ARSB: variants seen among roughly 807,000 people sequenced by gnomAD.
ARSB encodes the protein arylsulfatase B, also known as N-acetylgalactosamine-4-sulfatase.
In ARSB, 41 loss-of-function variants were observed where a neutral mutation model predicts 50.9. That is an observed-to-expected ratio of 0.81 (90% CI 0.63 to 1.04). The LOEUF (loss-of-function observed/expected upper bound fraction) is 1.04. Among genes scored for constraint, ARSB ranks in the 50% least tolerant of loss-of-function variants. The pLI, the probability that ARSB is intolerant of heterozygous loss-of-function variation, is 0.00. For missense variants in ARSB, 672 were observed against 693.3 expected (o/e 0.97, Z 0.35); for synonymous variants, 269 against 284.8 (o/e 0.94, Z 0.56).
At chr5:78,934,979 A>T (rs1750514231) in intron 4 of ARSB, among the ~76,000 whole-genome samples, 1 of 152,166 alleles carries the variant, frequency 6.6e-6, no homozygotes, top group Non-Finnish European at 1.5e-5. Flanking sequence ...TCATCACTTT[A>T]AACAAAATGA....
At chr5:78,822,444 C>T (rs1241552732) in intron 6 of ARSB, among the ~76,000 whole-genome samples, 1 of 151,888 alleles carries the variant, frequency 6.6e-6, no homozygotes, top group Non-Finnish European at 1.5e-5. Flanking sequence ...AGGTTTAGGC[C>T]CAGGAGACCT....
At chr5:78,928,402 G>A (rs775775335) in intron 4 of ARSB, among the ~76,000 whole-genome samples, 20 of 122,040 alleles carry the variant, frequency 1.6e-4, no homozygotes, top group African/African-American at 5.5e-4. Context: ...TGCAATCTCC[G>A]CCTCCCAGGT....
chr5:78,980,725 A>AGTGTGTGTGTGTGTGTGTGT (rs1315709564), intron 1 of ARSB, among the ~76,000 whole-genome samples: 114 of 91,984 alleles, frequency 1.2e-3, no homozygotes, highest in African/African-American at 3.2e-3. Flanking sequence ...TGTCTAAGGA[A>AGTGTGTGTGTGTGTGTGTGT]GTGTGTGTAT....
rs367543802 is a variant in ARSB at position 78,796,297 on chromosome 5, T to C, written c.1214-14323A>G. 2.5e-3 allele frequency among the ~76,000 whole-genome samples: 378 copies of C among 152,380 alleles called. 1 individual carries two copies. Among genetic ancestry groups the C allele is most frequent in the African/African-American group, 8.5e-3 (352 of 41,598 alleles). On this transcript the variant is annotated intron_variant, in intron 6 of 7. Transcript: ENST00000264914. ...ATCTTCAGAATGAATAAGCTGGAGT[T>C]CAGCAGGTAATAATAAAATAATTTT...
chr5:78,868,944 C>G (rs1746964952), intron 5 of ARSB, among the ~76,000 whole-genome samples: 1 of 151,636 alleles, frequency 6.6e-6, no homozygotes, highest in South Asian at 2.1e-4. Flanking sequence ...CACACATAGG[C>G]TCAAAATGAA....
intron 6 of ARSB, among the ~76,000 whole-genome samples, chr5:78,805,962 G>A (rs1279334643): frequency 6.6e-6 from 1 of 152,196 alleles, no homozygotes; most frequent in Non-Finnish European, 1.5e-5. Flanking sequence ...CTAGCTGTGC[G>A]GCCTTGGGGG....
At chr5:78,868,665 C>T (rs1243508623) in intron 5 of ARSB, among the ~76,000 whole-genome samples, 3 of 148,704 alleles carry the variant, frequency 2.0e-5, no homozygotes, top group African/African-American at 7.5e-5. Context: ...GAAGGAAGCA[C>T]TAAACATGGA....
Position 78,862,477 on chromosome 5 carries a change from C to T in ARSB, c.1143-23051G>A, listed in dbSNP as rs368582031. 1.2e-4 allele frequency among the ~76,000 whole-genome samples: 18 copies of T among 152,236 alleles called. No homozygotes were observed. In the East Asian group the frequency reaches 1.5e-3, roughly 13 times the overall value. ...ATACAACCTTCTGATCTTTGACAAA[C>T]CTGACAAAAACAAGAAATAAGGAAA... On this transcript the variant is annotated intron_variant, in intron 5 of 7. Coordinates refer to ENST00000264914, the MANE Select transcript of ARSB (RefSeq NM_000046.5).
In ARSB at chr5:78,885,746, C is replaced by T. The variant is rs772017949; in HGVS notation, c.980G>A (p.Arg327Gln). ...RKWSLWEGGV[R>Q]GVGFVASPLL... is the part of the protein sequence containing the mutation. ...GGGGCTTGCCACAAAGCCCACCCCT[C>T]GGACGCCTCCTTCCCACAGGCTCCA... is the stretch of plus-strand genomic sequence containing the variant. The change falls in exon 5 of 8, where the codon CGA (arginine) becomes CAA (glutamine). Residue 327 changes from arginine (R) to glutamine (Q), a missense_variant. Coordinates refer to ENST00000264914, the MANE Select transcript of ARSB (RefSeq NM_000046.5). The T allele has an allele frequency of 3.7e-6, 6 of 1,614,128 alleles. No homozygotes were observed. The highest frequency in any genetic ancestry group is 1.7e-5 in the Admixed American group (1 of 60,002).
At chr5:78,788,290 G>C (rs145087869) in intron 6 of ARSB, among the ~76,000 whole-genome samples, 198 of 152,276 alleles carry the variant, frequency 1.3e-3, no homozygotes, top group African/African-American at 4.7e-3. Flanking sequence ...GAAAATTTTA[G>C]GACTGATGAA....
At chr5:78,976,347 C>T (rs1030637099) in intron 1 of ARSB, among the ~76,000 whole-genome samples, 1 of 135,076 alleles carries the variant, frequency 7.4e-6, no homozygotes, top group Non-Finnish European at 1.5e-5. Context: ...AGTGCAGTGG[C>T]ACCATCCTGG....
intron 5 of ARSB, among the ~76,000 whole-genome samples, chr5:78,866,943 G>A (rs1011125975): frequency 1.3e-5 from 2 of 152,220 alleles, no homozygotes; most frequent in African/African-American, 2.4e-5. Context: ...GACAGTGGGC[G>A]CAGGCCAGTG....
intron 4 of ARSB, among the ~76,000 whole-genome samples, chr5:78,919,484 CATTTATTT>C (rs202013064): frequency 2.6e-5 from 4 of 151,744 alleles, no homozygotes; most frequent in African/African-American, 9.7e-5. Context: ...TTCATTTATT[CATTTATTT>C]ATTTATTTAT....
chr5:78,867,713 A>G (rs1437779303), intron 5 of ARSB, among the ~76,000 whole-genome samples: 1 of 152,176 alleles, frequency 6.6e-6, no homozygotes, highest in Non-Finnish European at 1.5e-5. Flanking sequence ...AGGTGGGGAA[A>G]AAACAGAACA....
Position 78,950,077 on chromosome 5 carries a change from G to T in ARSB, c.898+5218C>A, listed in dbSNP as rs146115417. 2.8e-3 allele frequency among the ~76,000 whole-genome samples: 420 copies of T among 152,222 alleles called. 2 individuals carry two copies. Among genetic ancestry groups the T allele is most frequent in the African/African-American group, 9.8e-3 (407 of 41,530 alleles). ...CCTAACCTTAACTCATTTTACTCCA[G>T]GTCAGATTCCTGTGCAGGTTCCTGG... is the stretch of plus-strand genomic sequence containing the variant. On this transcript the variant is annotated intron_variant, in intron 4 of 7. Transcript: ENST00000264914.
intron 6 of ARSB, among the ~76,000 whole-genome samples, chr5:78,800,530 A>G (rs1481358426): frequency 6.6e-6 from 1 of 152,126 alleles, no homozygotes; most frequent in African/African-American, 2.4e-5. Flanking sequence ...ATAATAACAA[A>G]TCAACAAGAA....
At chr5:78,846,489 T>C (rs150435824) in intron 5 of ARSB, among the ~76,000 whole-genome samples, 280 of 152,310 alleles carry the variant, frequency 1.8e-3, no homozygotes, top group South Asian at 7.2e-3. Context: ...TTTCACAATA[T>C]TTATTCTTCA....
At chr5:78,872,266 C>A (rs1202620776) in intron 5 of ARSB, among the ~76,000 whole-genome samples, 1 of 151,654 alleles carries the variant, frequency 6.6e-6, no homozygotes, top group African/African-American at 2.4e-5. Flanking sequence ...GGCGATTCCT[C>A]AGGGATCCAG....
At chr5:78,891,047 G>A (rs1748269679) in intron 4 of ARSB, among the ~76,000 whole-genome samples, 1 of 152,124 alleles carries the variant, frequency 6.6e-6, no homozygotes, top group African/African-American at 2.4e-5. Context: ...CTTCTCAAGA[G>A]CAAAAAGTTT....
Sources: allele counts gnomAD v4.1 joint callset (sites outside exome capture counted in the v4.1 genomes callset), GRCh38; gene constraint gnomAD v4.1.1; transcripts MANE v1.5; gene names NCBI Gene and HGNC (gene_info 2026-07-23, HGNC 2026-07-21).